GLDC: variants seen among roughly 807,000 people sequenced by gnomAD.
GLDC encodes glycine decarboxylase, also known as glycine dehydrogenase (decarboxylating), mitochondrial.
A neutral mutation model predicts 121.3 loss-of-function variants in GLDC; 104 were observed. That is an observed-to-expected ratio of 0.86 (90% CI 0.73 to 1.01). GLDC has a LOEUF of 1.01. Among genes scored for constraint, GLDC ranks in the 50% least tolerant of loss-of-function variants. The pLI is 0.00. For synonymous variants in GLDC, 546 were observed against 480.6 expected, an observed-to-expected ratio of 1.14 and a Z score of -1.78; for missense variants, 1,429 against 1,306.6, an observed-to-expected ratio of 1.09 and a Z score of -1.44.
rs190430477 is a variant in GLDC at position 6,645,376 on chromosome 9, C to T, written c.124G>A (p.Gly42Arg). The change falls in exon 1 of 25, where the codon GGG (glycine) becomes AGG (arginine). Residue 42 changes from glycine to arginine, a missense_variant. By Grantham distance (125) the Gly-to-Arg change is moderately radical (BLOSUM62 -2). Transcript: ENST00000321612. ...PRSRDSSSGG[G>R]DSAAAGASRL... The stretch of plus-strand genomic sequence containing the variant: ...GAGGCCCCAGCCGCGGCGCTGTCCC[C>T]GCCGCCACTGCTGCTGTCCCGGCTC... 2.4e-4 allele frequency: 364 copies of T among 1,539,920 alleles called. No individual in the cohort carries two copies. Among genetic ancestry groups the T allele is most frequent in the Admixed American group, 9.7e-4 (49 of 50,752 alleles).
At chr9:6,561,907 C>T (rs1409629781) in intron 16 of GLDC, among the ~76,000 whole-genome samples, 3 of 152,132 alleles carry the variant, frequency 2.0e-5, no homozygotes, top group Non-Finnish European at 4.4e-5. Flanking sequence ...ATCTAACAAC[C>T]AAAGGCCACT....
intron 14 of GLDC, among the ~76,000 whole-genome samples, chr9:6,587,835 A>G (rs1218669336): frequency 6.6e-6 from 1 of 152,128 alleles, no homozygotes; most frequent in Non-Finnish European, 1.5e-5. Flanking sequence ...TATTCTTATC[A>G]TGATATAAAA....
chr9:6,596,120 G>A (rs1030280760), intron 8 of GLDC, among the ~76,000 whole-genome samples: 2 of 152,146 alleles, frequency 1.3e-5, no homozygotes, highest in Non-Finnish European at 2.9e-5. Flanking sequence ...TGGAAAAGGC[G>A]AGGCTGAGGT....
rs765661419 is a variant in GLDC, at chr9:6,554,674, G to T, written c.2310C>A (p.Ile770=). 8 of 1,607,496 alleles carry T rather than the reference G, an allele frequency of 5.0e-6. No individual in the cohort carries two copies. The Admixed American group carries it at 8.3e-5, about 17-fold the overall frequency. The part of the protein sequence containing the change: ...HGGGGPGMGP[I]GVKKHLAPFL... ...ACCAGCAGCCCAGAACTTACACTCCGATGGGCCCCATGCCAGGACCACCTC... is the reference window on the plus strand; with the variant it reads ...ACCAGCAGCCCAGAACTTACACTCCTATGGGCCCCATGCCAGGACCACCTC... The change falls in exon 19 of 25, where the codon ATC becomes ATA. Residue 770 remains isoleucine (I), a synonymous_variant. Coordinates refer to ENST00000321612, the MANE Select transcript of GLDC (RefSeq NM_000170.3).
At chr9:6,635,092 G>A (rs1240771192) in intron 2 of GLDC, among the ~76,000 whole-genome samples, 3 of 152,078 alleles carry the variant, frequency 2.0e-5, no homozygotes, top group Non-Finnish European at 4.4e-5. Flanking sequence ...CTCTGCTCAT[G>A]CCATAACTTC....
intron 15 of GLDC, among the ~76,000 whole-genome samples, chr9:6,582,807 C>G (rs959730756): frequency 6.7e-6 from 1 of 148,798 alleles, no homozygotes; most frequent in Non-Finnish European, 1.5e-5. Context: ...CCAGTCTGGG[C>G]GACAGAGCGA....
At chr9:6,592,048 C>G in intron 11 of GLDC, 95 bp downstream of exon 11, 2 of 795,106 alleles carry the variant, frequency 2.5e-6, no homozygotes, top group Non-Finnish European at 4.5e-6. Flanking sequence ...CAGTGTCACA[C>G]TTGGGCCCCT....
chr9:6,573,487 T>C (rs1005147263), intron 15 of GLDC, among the ~76,000 whole-genome samples: 2 of 151,378 alleles, frequency 1.3e-5, no homozygotes, highest in African/African-American at 2.4e-5. Flanking sequence ...AAAGAATACA[T>C]TTATGTGATT....
At chr9:6,639,668 A>AATATATATATATATATATATAT in intron 2 of GLDC, 18 of 250,556 alleles carry the variant, frequency 7.2e-5, no homozygotes, top group East Asian at 5.7e-4. Context: ...ATAAAAAAAA[A>AATATATATATATATATATATAT]GTATATATAT....
chr9:6,583,103 T>C lies in GLDC; in HGVS notation c.1850+4038A>G, dbSNP rs565138188. The stretch of plus-strand genomic sequence containing the variant: ...GGACGTGGAGAAATCAGAACCCTTG[T>C]GCACTGCTGGTGGGAATGTTAAATG... On this transcript the variant is annotated intron_variant, in intron 15 of 24. Coordinates refer to ENST00000321612, the MANE Select transcript of GLDC (RefSeq NM_000170.3). Among the ~76,000 whole-genome samples, 92 of 152,286 alleles carry C rather than the reference T, an allele frequency of 6.0e-4. No individual in the cohort carries two copies. In the Middle Eastern group the frequency reaches 0.01, roughly 17 times the overall value.
At chr9:6,559,166 G>A (rs1235985854) in intron 16 of GLDC, among the ~76,000 whole-genome samples, 1 of 152,152 alleles carries the variant, frequency 6.6e-6, no homozygotes, top group Non-Finnish European at 1.5e-5. Context: ...TTTATCGGAT[G>A]TTTACTCTGT....
chr9:6,639,338 C>G, intron 2 of GLDC: 1 of 938,990 alleles, frequency 1.1e-6, no homozygotes, highest in South Asian at 1.3e-5. Flanking sequence ...AAGAGCGCCC[C>G]CAGGAGAAAC....
In GLDC at chr9:6,565,852, T is replaced by C. The variant is rs188423828; in HGVS notation, c.1851-423A>G. Reference sequence around the variant, plus strand: ...CTATTATATTTCTCACTAACCACTTTCATGCTGAACTATATATTTTGAAGC... The same window carrying C: ...CTATTATATTTCTCACTAACCACTTCCATGCTGAACTATATATTTTGAAGC... On this transcript the variant is annotated intron_variant, in intron 15 of 24. Transcript: ENST00000321612. 4.0e-4 allele frequency: 139 copies of C among 349,790 alleles called. 2 individuals carry two copies. The South Asian group carries it at 5.1e-3, about 13-fold the overall frequency. 21.7% of individuals were successfully genotyped at this position (349,790 alleles called of 1,614,324 possible). A position where few individuals can be genotyped will look rare whatever the true frequency, so the allele number is the denominator to read the frequency against.
chr9:6,532,831 C>G lies in GLDC; in HGVS notation c.*186G>C, dbSNP rs1432336041. 3.2e-6 allele frequency: 2 copies of G among 627,022 alleles called. No homozygotes were observed. The highest frequency in any genetic ancestry group is 2.7e-5 in the East Asian group (1 of 36,816). 38.8% of individuals were successfully genotyped at this position (627,022 alleles called of 1,614,324 possible). A position where few individuals can be genotyped will look rare whatever the true frequency, so the allele number is the denominator to read the frequency against. ...AAGCAGAATACCAAAGCAAATCCGT[C>G]TTCCAACCATCAGCTTCGACTCCCT... is the stretch of plus-strand genomic sequence containing the variant. On this transcript the variant is annotated 3_prime_UTR_variant, in exon 25 of 25. Transcript: ENST00000321612.
chr9:6,593,457 C>T (rs532590541), intron 9 of GLDC, among the ~76,000 whole-genome samples: 1 of 151,760 alleles, frequency 6.6e-6, no homozygotes, highest in South Asian at 2.1e-4. Context: ...TGCCATCACA[C>T]CTGGCTAATA....
At chr9:6,611,996 C>A (rs1003637778) in intron 3 of GLDC, among the ~76,000 whole-genome samples, 10 of 114,238 alleles carry the variant, frequency 8.8e-5, no homozygotes, top group Non-Finnish European at 5.8e-5. Context: ...TCACAACTGC[C>A]TGCCTGTTGT....
intron 2 of GLDC, among the ~76,000 whole-genome samples, chr9:6,644,299 G>A (rs752076687): frequency 6.6e-6 from 1 of 151,894 alleles, no homozygotes; most frequent in East Asian, 1.9e-4. Flanking sequence ...CCCAAAGTAT[G>A]AGAGCACCCT....
intron 16 of GLDC, among the ~76,000 whole-genome samples, chr9:6,560,999 G>A (rs1304376330): frequency 1.3e-5 from 2 of 152,200 alleles, no homozygotes; most frequent in African/African-American, 4.8e-5. Context: ...AAGGAACGCA[G>A]GAGGCCTGCA....
At chr9:6,562,046 T>C (rs1817769304) in intron 16 of GLDC, among the ~76,000 whole-genome samples, 1 of 152,244 alleles carries the variant, frequency 6.6e-6, no homozygotes, top group South Asian at 2.1e-4. Context: ...AAACTCAGAC[T>C]CTGAACAGCA....
Sources: gnomAD v4.1 joint callset for allele counts (sites outside exome capture counted in the v4.1 genomes callset) on GRCh38, gnomAD v4.1.1 for gene constraint, MANE v1.5 for transcripts, NCBI Gene and HGNC (gene_info 2026-07-23, HGNC 2026-07-21) for gene names.